Variants in AMIGO3 observed in about 807,000 individuals in gnomAD.
AMIGO3 encodes adhesion molecule with Ig like domain 3, also known as amphoterin-induced protein 3.
A neutral mutation model predicts 4.3 loss-of-function variants in AMIGO3; 6 were observed. The observed-to-expected ratio is 1.39, with a 90% CI of 0.76 to 2.75. The LOEUF is 2.75. Among genes scored for constraint, AMIGO3 ranks in the 30% most tolerant of loss-of-function variants. The pLI is 0.00. For synonymous variants in AMIGO3, 315 were observed against 320.0 expected (o/e 0.98, Z 0.17); for missense variants, 771 against 692.1 (o/e 1.11, Z -1.28).
chr3:49,719,216 G>A lies in AMIGO3; in HGVS notation c.250C>T (p.Leu84Phe), dbSNP rs1416717970. ...QRLRPGWLAP[L>F]FQLRALHLDH... is the part of the protein sequence containing the mutation. ...AGGTGCAGGGCGCGCAGCTGGAAGA[G>A]GGGCGCCAACCAGCCGGGGCGCAGG... Residue 84 changes from leucine to phenylalanine, a missense_variant, in exon 1 of 1, where the codon CTC (leucine) becomes TTC (phenylalanine). Coordinates refer to ENST00000320431, the MANE Select transcript of AMIGO3 (RefSeq NM_198722.3). The A allele has an allele frequency of 1.2e-6, 2 of 1,613,238 alleles. No individual in the cohort carries two copies. The highest frequency in any genetic ancestry group is 4.5e-5 in the East Asian group (2 of 44,880).
Position 49,718,618 on chromosome 3 carries a change from C to T in AMIGO3, c.848G>A (p.Arg283Gln), listed in dbSNP as rs1373330531. The T allele has an allele frequency of 6.2e-7, 1 of 1,612,986 alleles. No individual in the cohort carries two copies. The highest frequency in any genetic ancestry group is 8.5e-7 in the Non-Finnish European group (1 of 1,179,946). ...CAGCGCGTACAGGTGCTCTTCCGGCCGCTCTAGGCCAAGAGCTGGGGCCGA... is the reference window on the plus strand; with the variant it reads ...CAGCGCGTACAGGTGCTCTTCCGGCTGCTCTAGGCCAAGAGCTGGGGCCGA... The part of the protein sequence containing the change: ...CSSAPALGLE[R>Q]PEEHLYALVG... The change falls in exon 1 of 1, where the codon CGG (arginine) becomes CAG (glutamine). Residue 283 changes from arginine to glutamine, a missense_variant. Physicochemically the swap from Arg to Gln is conservative, Grantham distance 43. Transcript: ENST00000320431.
At position 49,718,001 on chromosome 3, in the gene AMIGO3, C is replaced by T. The variant is rs1356018516; in HGVS notation, c.1465G>A (p.Gly489Ser). The change falls in exon 1 of 1, where the codon GGC becomes AGC. Residue 489 changes from glycine (G) to serine (S), a missense_variant. Coordinates refer to ENST00000320431, the MANE Select transcript of AMIGO3 (RefSeq NM_198722.3). ...CCTATGGAGCTGGCGGACTCAGAGC[C>T]AGCCTTCAGCTGCAGGCCTCCAGGG... ...YNPGGLQLKA[G>S]SESASSIGSE... is the part of the protein sequence containing the mutation. The T allele has an allele frequency of 4.3e-6, 7 of 1,613,662 alleles. No homozygotes were observed. Among genetic ancestry groups the T allele is most frequent in the Non-Finnish European group, 5.1e-6 (6 of 1,180,038 alleles).
Position 49,718,668 on chromosome 3 carries a change from G to C in AMIGO3, c.798C>G (p.His266Gln), listed in dbSNP as rs756507449. The C allele has an allele frequency of 6.2e-7, 1 of 1,613,016 alleles. No individual in the cohort carries two copies. The highest frequency in any genetic ancestry group is 8.5e-7 in the Non-Finnish European group (1 of 1,179,952). ...ACGAGCAGTTCTCAAAGACGCGGCT[G>C]TGCTGGAAGAAGCGCACGCGGGACG... ...VPASRVRFFQ[H>Q]SRVFENCSSA... Residue 266 changes from histidine to glutamine, a missense_variant, in exon 1 of 1, where the codon CAC becomes CAG. His to Gln is a conservative substitution (Grantham distance 24, BLOSUM62 0). Coordinates refer to ENST00000320431, the MANE Select transcript of AMIGO3 (RefSeq NM_198722.3).
chr3:49,718,803 C>T lies in AMIGO3; in HGVS notation c.663G>A (p.Leu221=). The part of the protein sequence containing the change: ...KNGLYLHNNP[L]PCDCRLYHLL... ...GGTGGTAGAGGCGGCAGTCGCAAGG[C>T]AAAGGGTTGTTGTGCAAGTAGAGGC... The change falls in exon 1 of 1, where the codon TTG becomes TTA. Residue 221 remains leucine (L), a synonymous_variant. Coordinates refer to ENST00000320431, the MANE Select transcript of AMIGO3 (RefSeq NM_198722.3). 1.9e-6 allele frequency: 3 copies of T among 1,613,200 alleles called. No individual in the cohort carries two copies. Among genetic ancestry groups the T allele is most frequent in the Non-Finnish European group, 2.5e-6 (3 of 1,179,944 alleles).
Position 49,717,620 on chromosome 3 carries a change from G to A in AMIGO3, c.*331C>T. 9.5e-6 allele frequency: 4 copies of A among 422,260 alleles called. No individual in the cohort carries two copies. The highest frequency in any genetic ancestry group is 1.0e-4 in the East Asian group (2 of 20,050). The allele number at this position is 422,260 out of a possible 1,614,324, so 26.2% of individuals were successfully genotyped here. A position where few individuals can be genotyped will look rare whatever the true frequency, so the allele number is the denominator to read the frequency against. On this transcript the variant is annotated 3_prime_UTR_variant, in exon 1 of 1. Coordinates refer to ENST00000320431, the MANE Select transcript of AMIGO3 (RefSeq NM_198722.3). ...GAAGAACACAGCCACTTCCACAGCT[G>A]TGCTGTGTTGAAAGCCACAGGGGCC...
rs1414443853 is a variant in AMIGO3 at position 49,717,443 on chromosome 3, C to T, written c.*508G>A. 2 of 168,132 alleles carry T rather than the reference C, an allele frequency of 1.2e-5. No individual in the cohort carries two copies. Among genetic ancestry groups the T allele is most frequent in the South Asian group, 1.3e-4 (1 of 7,726 alleles). The allele number at this position is 168,132 out of a possible 1,614,324, so 10.4% of individuals were successfully genotyped here. On this transcript the variant is annotated 3_prime_UTR_variant, in exon 1 of 1. Coordinates refer to ENST00000320431, the MANE Select transcript of AMIGO3 (RefSeq NM_198722.3). The stretch of plus-strand genomic sequence containing the variant: ...TGTGGGCGAGATCTTCCTTCAGAGC[C>T]GCCTTCTTTTCCCTGTGGGCCCACT...
Position 49,718,897 on chromosome 3 carries a change from A to C in AMIGO3, c.569T>G (p.Leu190Arg). The change falls in exon 1 of 1, where the codon CTC (leucine) becomes CGC (arginine). Residue 190 changes from leucine to arginine, a missense_variant. Transcript: ENST00000320431. ...GATGTGTCCCAGCCGGTTGGAGGAG[A>C]GGTCCAGAGTAAGCAGGTGGGTGGC... ...LSATHLLTLD[L>R]SSNRLGHISV... 2.5e-6 allele frequency: 4 copies of C among 1,613,598 alleles called. No homozygotes were observed. Among genetic ancestry groups the C allele is most frequent in the Non-Finnish European group, 2.5e-6 (3 of 1,180,028 alleles).
In AMIGO3 at chr3:49,719,288, G is replaced by T; in HGVS notation, c.178C>A (p.Pro60Thr). ...AGGTCGAGGTCCGCAGTAGCGGCAG[G>T]TAACTCGGCTGGCACGTCCTGCAGC... ...LGLQDVPAELPAATADLDLSH... is the reference protein window; with the variant it reads ...LGLQDVPAELTAATADLDLSH... The change falls in exon 1 of 1, where the codon CCT becomes ACT. Residue 60 changes from proline to threonine, a missense_variant. Transcript: ENST00000320431. 1 of 1,613,272 alleles carries T rather than the reference G, an allele frequency of 6.2e-7. No homozygotes were observed. The highest frequency in any genetic ancestry group is 8.5e-7 in the Non-Finnish European group (1 of 1,179,978).
Position 49,718,090 on chromosome 3 carries a change from G to C in AMIGO3, c.1376C>G (p.Pro459Arg). 1 of 1,613,612 alleles carries C rather than the reference G, an allele frequency of 6.2e-7. No individual in the cohort carries two copies. The highest frequency in any genetic ancestry group is 1.1e-5 in the South Asian group (1 of 91,090). The change falls in exon 1 of 1, where the codon CCA (proline) becomes CGA (arginine). Residue 459 changes from proline (P) to arginine (R), a missense_variant. Transcript: ENST00000320431. Reference protein sequence around the residue: ...SVHKHVVFLEPGRRGLNGRVQ... With the variant: ...SVHKHVVFLERGRRGLNGRVQ... The stretch of plus-strand genomic sequence containing the variant: ...GCGGCCATTGAGGCCCCTCCGGCCT[G>C]GCTCCAGAAAGACTACGTGCTTGTG...
At position 49,719,069 on chromosome 3, in the gene AMIGO3, C is replaced by T. The variant is rs756019302; in HGVS notation, c.397G>A (p.Gly133Arg). Residue 133 changes from glycine (G) to arginine (R), a missense_variant, in exon 1 of 1, where the codon GGG (glycine) becomes AGG (arginine). Coordinates refer to ENST00000320431, the MANE Select transcript of AMIGO3 (RefSeq NM_198722.3). ...AACAGAAGCAGCTTCTCCAGCGCCC[C>T]CAGCCCGTCGAGGTCGTGGCGGCCA... ...ALGRHDLDGLGALEKLLLFNN... is the reference protein window; with the variant it reads ...ALGRHDLDGLRALEKLLLFNN... 15 of 1,613,852 alleles carry T rather than the reference C, an allele frequency of 9.3e-6. No homozygotes were observed. Among genetic ancestry groups the T allele is most frequent in the Non-Finnish European group, 1.3e-5 (15 of 1,180,034 alleles).
In AMIGO3 at chr3:49,719,303, C is replaced by T. The variant is rs768883435; in HGVS notation, c.163G>A (p.Val55Met). 30 of 1,613,002 alleles carry T rather than the reference C, an allele frequency of 1.9e-5. No homozygotes were observed. Among genetic ancestry groups the T allele is most frequent in the Non-Finnish European group, 2.5e-5 (30 of 1,179,998 alleles). ...GTAGCGGCAGGTAACTCGGCTGGCA[C>T]GTCCTGCAGCCCTAGGCCAGTGCAG... ...LSCTGLGLQD[V>M]PAELPAATAD... Residue 55 changes from valine to methionine, a missense_variant, in exon 1 of 1, where the codon GTG becomes ATG. Physicochemically the swap from Val to Met is conservative, Grantham distance 21. Transcript: ENST00000320431.
chr3:49,718,640 CCGA>C lies in AMIGO3; in HGVS notation c.823_825del (p.Ser275del). ...GGCCGCTCTAGGCCAAGAGCTGGGG[CCGA>C]CGAGCAGTTCTCAAAGACGCGGCTG... On this transcript the variant is annotated inframe_deletion, in exon 1 of 1. Coordinates refer to ENST00000320431, the MANE Select transcript of AMIGO3 (RefSeq NM_198722.3). 1 of 1,612,976 alleles carries C rather than the reference CCGA, an allele frequency of 6.2e-7. No homozygotes were observed. The highest frequency in any genetic ancestry group is 8.5e-7 in the Non-Finnish European group (1 of 1,179,962).
Position 49,718,532 on chromosome 3 carries a change from C to A in AMIGO3, c.934G>T (p.Val312Phe), listed in dbSNP as rs1221373882. 6.2e-7 allele frequency: 1 copy of A among 1,613,198 alleles called. No homozygotes were observed. The highest frequency in any genetic ancestry group is 2.2e-5 in the East Asian group (1 of 44,870). The change falls in exon 1 of 1, where the codon GTT becomes TTT. Residue 312 changes from valine (V) to phenylalanine (F), a missense_variant. Physicochemically the swap from Val to Phe is conservative, Grantham distance 50. Coordinates refer to ENST00000320431, the MANE Select transcript of AMIGO3 (RefSeq NM_198722.3). Reference protein sequence around the residue: ...TSVPAMRIAWVSPQQELLRAP... With the variant: ...TSVPAMRIAWFSPQQELLRAP... ...CTGAGAAGCTCCTGCTGCGGCGAAACCCAGGCAATGCGCATGGCCGGGACG... is the reference window on the plus strand; with the variant it reads ...CTGAGAAGCTCCTGCTGCGGCGAAAACCAGGCAATGCGCATGGCCGGGACG...
chr3:49,718,050 T>TA lies in AMIGO3; in HGVS notation c.1415dup (p.Ala473SerfsTer2), dbSNP rs1232359321. ...GGTTGTAGAGATCGAATTCCTCAGC[T>TA]ACTGCCAGCTGCACGCGGCCATTGA... On this transcript the variant is annotated frameshift_variant, in exon 1 of 1. Transcript: ENST00000320431. LOFTEE classifies it high-confidence loss of function. The TA allele has an allele frequency of 1.9e-6, 3 of 1,613,644 alleles. No individual in the cohort carries two copies. Among genetic ancestry groups the TA allele is most frequent in the Non-Finnish European group, 2.5e-6 (3 of 1,180,038 alleles).
chr3:49,719,212 AAG>A lies in AMIGO3; in HGVS notation c.252_253del (p.Phe85ProfsTer34). The A allele has an allele frequency of 6.2e-7, 1 of 1,613,188 alleles. No individual in the cohort carries two copies. On this transcript the variant is annotated frameshift_variant, in exon 1 of 1. Transcript: ENST00000320431. LOFTEE classifies it low-confidence loss of function (END_TRUNC). ...GTCTAGGTGCAGGGCGCGCAGCTGG[AAG>A]AGGGGCGCCAACCAGCCGGGGCGCA...
At position 49,717,971 on chromosome 3, in the gene AMIGO3, C is replaced by G. The variant is rs762469829; in HGVS notation, c.1495G>C (p.Glu499Gln). The G allele has an allele frequency of 6.2e-7, 1 of 1,613,108 alleles. No individual in the cohort carries two copies. The highest frequency in any genetic ancestry group is 1.1e-5 in the South Asian group (1 of 91,050). The change falls in exon 1 of 1, where the codon GAG becomes CAG. Residue 499 changes from glutamate to glutamine, a missense_variant. Coordinates refer to ENST00000320431, the MANE Select transcript of AMIGO3 (RefSeq NM_198722.3). ...GSESASSIGS[E>Q]GPMTT Reference sequence around the variant, plus strand: ...GCAGTCTAGGTTGTCATGGGACCCTCGGAGCCTATGGAGCTGGCGGACTCA... The same window carrying G: ...GCAGTCTAGGTTGTCATGGGACCCTGGGAGCCTATGGAGCTGGCGGACTCA...
chr3:49,718,194 G>A lies in AMIGO3; in HGVS notation c.1272C>T (p.Ser424=), dbSNP rs760290487. The A allele has an allele frequency of 4.5e-5, 72 of 1,612,882 alleles. No individual in the cohort carries two copies. The highest frequency in any genetic ancestry group is 5.6e-5 in the Non-Finnish European group (66 of 1,179,942). Residue 424 remains serine (S), a synonymous_variant, in exon 1 of 1, where the codon AGC becomes AGT. Coordinates refer to ENST00000320431, the MANE Select transcript of AMIGO3 (RefSeq NM_198722.3). The part of the protein sequence containing the change: ...CRCRRWPQTP[S]PLQELSAQSS... Reference sequence around the variant, plus strand: ...ACTGTGCGCTCAGCTCTTGGAGCGGGCTGGGTGTTTGGGGCCAGCGGCGGC... The same window carrying A: ...ACTGTGCGCTCAGCTCTTGGAGCGGACTGGGTGTTTGGGGCCAGCGGCGGC...
In AMIGO3 at chr3:49,718,843, G is replaced by A. The variant is rs1223448921; in HGVS notation, c.623C>T (p.Ala208Val). ...CAAGTAGAGGCCGTTCTTGAGGAAGGCCGGCAGCGCGGCCAGCTCAGGTAC... is the reference window on the plus strand; with the variant it reads ...CAAGTAGAGGCCGTTCTTGAGGAAGACCGGCAGCGCGGCCAGCTCAGGTAC... ...ISVPELAALP[A>V]FLKNGLYLHN... Residue 208 changes from alanine to valine, a missense_variant, in exon 1 of 1, where the codon GCC (alanine) becomes GTC (valine). By Grantham distance (64) the Ala-to-Val change is moderately conservative. Coordinates refer to ENST00000320431, the MANE Select transcript of AMIGO3 (RefSeq NM_198722.3). 1.9e-6 allele frequency: 3 copies of A among 1,613,340 alleles called. No individual in the cohort carries two copies. Among genetic ancestry groups the A allele is most frequent in the African/African-American group, 1.3e-5 (1 of 74,954 alleles).
chr3:49,718,984 T>A lies in AMIGO3; in HGVS notation c.482A>T (p.His161Leu), dbSNP rs539593416. 2 of 1,613,756 alleles carry A rather than the reference T, an allele frequency of 1.2e-6. No homozygotes were observed. Among genetic ancestry groups the A allele is most frequent in the South Asian group, 2.2e-5 (2 of 91,082 alleles). ...HAFHGLRALSHLYLGCNELAS... is the reference protein window; with the variant it reads ...HAFHGLRALSLLYLGCNELAS... ...GAGTTCGTTGCAGCCCAGGTAGAGATGGCTGAGCGCGCGCAGGCCGTGGAA... is the reference window on the plus strand; with the variant it reads ...GAGTTCGTTGCAGCCCAGGTAGAGAAGGCTGAGCGCGCGCAGGCCGTGGAA... Residue 161 changes from histidine (H) to leucine (L), a missense_variant, in exon 1 of 1, where the codon CAT (histidine) becomes CTT (leucine). By Grantham distance (99) the His-to-Leu change is moderately conservative. Transcript: ENST00000320431.
Sources: gnomAD v4.1 joint callset for allele counts on GRCh38, gnomAD v4.1.1 for gene constraint, MANE v1.5 for transcripts, NCBI Gene and HGNC (gene_info 2026-07-23, HGNC 2026-07-21) for gene names.